The following KIAA0319 variants were observed in gnomAD, a reference collection of about 807,000 sequenced individuals.
KIAA0319 encodes KIAA0319, also known as dyslexia-associated protein KIAA0319.
Under a neutral mutation model 108.4 loss-of-function variants are expected in KIAA0319, and 83 were observed. That is an observed-to-expected ratio of 0.77 (90% CI 0.64 to 0.92). The LOEUF (loss-of-function observed/expected upper bound fraction) is 0.92. Ranked by LOEUF, KIAA0319 falls within the 40% of genes least tolerant of loss-of-function variation. The pLI, the probability that KIAA0319 is intolerant of heterozygous loss-of-function variation, is 0.00. For missense variants in KIAA0319, 1,195 were observed against 1,322.4 expected (o/e 0.90, Z 1.49); for synonymous variants, 484 against 510.4 (o/e 0.95, Z 0.70).
chr6:24,631,976 G>A (rs1775643046), intron 1 of KIAA0319, among the ~76,000 whole-genome samples: 1 of 152,176 alleles, frequency 6.6e-6, no homozygotes, highest in African/African-American at 2.4e-5. Flanking sequence ...CTAACCTTTA[G>A]TATCAGGCAA....
intron 18 of KIAA0319, 29 bp from the exon 19 acceptor site, chr6:24,554,660 T>C (rs772997219): frequency 6.9e-7 from 1 of 1,443,522 alleles, no homozygotes; most frequent in East Asian, 2.3e-5. Context: ...AAAGTGGACA[T>C]AGTTACAGGC....
chr6:24,556,531 G>C (rs574985306), intron 18 of KIAA0319, 76 bp downstream of exon 18: 1 of 1,516,416 alleles, frequency 6.6e-7, no homozygotes. Context: ...TCGAATATTA[G>C]GCAGATATTT....
intron 1 of KIAA0319, among the ~76,000 whole-genome samples, chr6:24,631,576 T>G (rs1174383689): frequency 6.6e-6 from 1 of 152,224 alleles, no homozygotes; most frequent in Non-Finnish European, 1.5e-5. Flanking sequence ...TTTTTACTCC[T>G]GGAAACACTG....
In KIAA0319 at chr6:24,556,726, C is replaced by T. The variant is rs1467337732; in HGVS notation, c.2738G>A (p.Cys913Tyr). 8.1e-6 allele frequency: 13 copies of T among 1,613,116 alleles called. No homozygotes were observed. Among genetic ancestry groups the T allele is most frequent in the Non-Finnish European group, 1.1e-5 (13 of 1,179,772 alleles). The change falls in exon 18 of 21, where the codon TGC (cysteine) becomes TAC (tyrosine). Residue 913 changes from cysteine to tyrosine, a missense_variant. Transcript: ENST00000378214. ...FKVLRVDTAG[C>Y]LLKCSGHGHC... Reference sequence around the variant, plus strand: ...ACCATGGCCAGAACACTTCAGAAGGCAACCTGCAAAGAGGTGTGTAGGGCT... The same window carrying T: ...ACCATGGCCAGAACACTTCAGAAGGTAACCTGCAAAGAGGTGTGTAGGGCT...
At chr6:24,616,513 C>T (rs576143759) in intron 1 of KIAA0319, among the ~76,000 whole-genome samples, 48 of 152,112 alleles carry the variant, frequency 3.2e-4, no homozygotes, top group Non-Finnish European at 8.8e-5. Context: ...GACACCACAC[C>T]CAGCTAATTT....
chr6:24,576,074 A>C (rs1765450873), intron 10 of KIAA0319, among the ~76,000 whole-genome samples: 1 of 152,216 alleles, frequency 6.6e-6, no homozygotes, highest in Non-Finnish European at 1.5e-5. Context: ...GGTTTCTCCC[A>C]ATACGAAAAT....
chr6:24,644,968 A>T (rs1562133323), intron 1 of KIAA0319, among the ~76,000 whole-genome samples: 1 of 152,226 alleles, frequency 6.6e-6, no homozygotes, highest in Non-Finnish European at 1.5e-5. Flanking sequence ...AAAAGTTTAG[A>T]TTTGGCATAA....
intron 17 of KIAA0319, among the ~76,000 whole-genome samples, chr6:24,558,143 G>A (rs1341874322): frequency 4.0e-5 from 6 of 151,874 alleles, no homozygotes; most frequent in Admixed American, 6.6e-5. Flanking sequence ...TTGGCTGGGC[G>A]TGGTGGCTCA....
intron 1 of KIAA0319, among the ~76,000 whole-genome samples, chr6:24,602,865 C>G (rs1278771072): frequency 6.6e-6 from 1 of 152,076 alleles, no homozygotes; most frequent in Non-Finnish European, 1.5e-5. Context: ...TGATGGCACG[C>G]AGGTAATATG....
chr6:24,570,104 T>C, intron 11 of KIAA0319, 69 bp from the exon 12 acceptor site: 1 of 1,469,620 alleles, frequency 6.8e-7, no homozygotes. Context: ...TGTGATTTCT[T>C]GATTTAAGTA....
intron 1 of KIAA0319, among the ~76,000 whole-genome samples, chr6:24,627,004 T>C (rs891250245): frequency 6.6e-6 from 1 of 152,202 alleles, no homozygotes; most frequent in Non-Finnish European, 1.5e-5. Flanking sequence ...ATTGAACAGA[T>C]AATTCATGAG....
intron 7 of KIAA0319, 35 bp downstream of exon 7, chr6:24,580,891 G>GAGA: frequency 7.2e-7 from 1 of 1,384,452 alleles, no homozygotes; most frequent in South Asian, 1.2e-5. Context: ...AGATAAATAT[G>GAGA]TACAACAGGA....
chr6:24,629,514 C>CAAAAAAAAAAA (rs397974257), intron 1 of KIAA0319, among the ~76,000 whole-genome samples: 9,130 of 40,894 alleles, frequency 0.22, 2,249 homozygotes, highest in East Asian at 0.55. Context: ...GACTCTGTCT[C>CAAAAAAAAAAA]AAAAAAAAAA....
chr6:24,614,710 C>A (rs1294862927), intron 1 of KIAA0319, among the ~76,000 whole-genome samples: 1 of 152,134 alleles, frequency 6.6e-6, no homozygotes, highest in Non-Finnish European at 1.5e-5. Flanking sequence ...GTGTCTCTCT[C>A]CTTCACTTAA....
chr6:24,568,475 A>C (rs1254129926), intron 13 of KIAA0319, among the ~76,000 whole-genome samples: 1 of 152,226 alleles, frequency 6.6e-6, no homozygotes, highest in Non-Finnish European at 1.5e-5. Flanking sequence ...TTTCCAAGGA[A>C]TAAAGGAAAA....
intron 3 of KIAA0319, among the ~76,000 whole-genome samples, chr6:24,591,869 C>A (rs1310090018): frequency 1.3e-5 from 2 of 151,818 alleles, no homozygotes; most frequent in Non-Finnish European, 2.9e-5. Context: ...GATCCTTTGC[C>A]CATGTTTGAG....
rs70974925 is a variant in KIAA0319, at chr6:24,645,840, TACACACACACACACACACACACACACAC to T, written c.-238_-211del. 34 of 140,356 alleles carry T rather than the reference TACACACACACACACACACACACACACAC, an allele frequency of 2.4e-4. No homozygotes were observed. In the East Asian group the frequency reaches 4.5e-3, roughly 19 times the overall value. The allele number at this position is 140,356 out of a possible 1,614,324, so 8.7% of individuals were successfully genotyped here. On this transcript the variant is annotated 5_prime_UTR_variant, in exon 1 of 21. Coordinates refer to ENST00000378214, the MANE Select transcript of KIAA0319 (RefSeq NM_014809.4). Reference sequence around the variant, plus strand: ...TCCTCCTCGTCGTCATCGCAGGTCTTACACACACACACACACACACACACACACACACACACACACACACACACGTTCA... The same window carrying T: ...TCCTCCTCGTCGTCATCGCAGGTCTTACACACACACACACACACACGTTCA...
chr6:24,586,632 G>A (rs189777081), intron 4 of KIAA0319, among the ~76,000 whole-genome samples: 89 of 152,098 alleles, frequency 5.9e-4, no homozygotes, highest in African/African-American at 2.1e-3. Context: ...AGAGTTCCAG[G>A]CTTATATAAT....
Position 24,564,319 on chromosome 6 carries a change from G to A in KIAA0319, c.2314C>T (p.His772Tyr), listed in dbSNP as rs1473368112. 1.2e-6 allele frequency: 2 copies of A among 1,614,168 alleles called. No individual in the cohort carries two copies. Among genetic ancestry groups the A allele is most frequent in the East Asian group, 2.2e-5 (1 of 44,884 alleles). The change falls in exon 15 of 21, where the codon CAC (histidine) becomes TAC (tyrosine). Residue 772 changes from histidine to tyrosine, a missense_variant. By Grantham distance (83) the His-to-Tyr change is moderately conservative. Coordinates refer to ENST00000378214, the MANE Select transcript of KIAA0319 (RefSeq NM_014809.4). Reference protein sequence around the residue: ...AAGDVIDGSDHSVALQLTNLV... With the variant: ...AAGDVIDGSDYSVALQLTNLV... Reference sequence around the variant, plus strand: ...TTCGTAAGCTGCAGAGCCACACTGTGGTCAGAGCCATCGATGACATCCTGC... The same window carrying A: ...TTCGTAAGCTGCAGAGCCACACTGTAGTCAGAGCCATCGATGACATCCTGC...
Sources: gnomAD v4.1 joint callset for allele counts (sites outside exome capture counted in the v4.1 genomes callset) on GRCh38, gnomAD v4.1.1 for gene constraint, MANE v1.5 for transcripts, NCBI Gene and HGNC (gene_info 2026-07-23, HGNC 2026-07-21) for gene names.